Variants in HDAC5 observed in about 807,000 individuals in gnomAD.
The protein encoded by HDAC5 is antigen NY-CO-9.
A neutral mutation model predicts 133.3 loss-of-function variants in HDAC5; 25 were observed. The ratio of observed to expected loss-of-function variants is 0.19; its 90% CI spans 0.14 to 0.26. The LOEUF is 0.26. Among genes scored for constraint, HDAC5 ranks in the 10% least tolerant of loss-of-function variants. The pLI, the probability that HDAC5 is intolerant of heterozygous loss-of-function variation, is 1.00. For synonymous variants in HDAC5, 589 were observed against 610.8 expected (o/e 0.96, Z 0.53); for missense variants, 1,041 against 1,460.5 (o/e 0.71, Z 4.68).
At chr17:44,112,817 G>T (rs2052425016) in intron 2 of HDAC5, among the ~76,000 whole-genome samples, 1 of 152,206 alleles carries the variant, frequency 6.6e-6, no homozygotes, top group Non-Finnish European at 1.5e-5. Flanking sequence ...GACCAGCAAA[G>T]AAACAGGGGT....
At chr17:44,108,751 C>CAAAAAAA (rs773575696) in intron 3 of HDAC5, among the ~76,000 whole-genome samples, 3 of 56,954 alleles carry the variant, frequency 5.3e-5, no homozygotes, top group African/African-American at 1.6e-4. Flanking sequence ...TTCCAGAGTC[C>CAAAAAAA]AAAAAAAAAA....
intron 2 of HDAC5, among the ~76,000 whole-genome samples, chr17:44,112,998 G>A (rs2052433230): frequency 6.6e-6 from 1 of 152,200 alleles, no homozygotes; most frequent in Non-Finnish European, 1.5e-5. Flanking sequence ...AGGAAGGGAA[G>A]GGAAGGTCTC....
At chr17:44,107,150 C>T (rs954461755) in intron 3 of HDAC5, among the ~76,000 whole-genome samples, 1 of 151,852 alleles carries the variant, frequency 6.6e-6, no homozygotes, top group Non-Finnish European at 1.5e-5. Context: ...CAGGGTCTGG[C>T]TATGCTGCGC....
chr17:44,092,896 A>T (rs1000169458), intron 6 of HDAC5, 90 bp from the exon 7 acceptor site: 1 of 654,650 alleles, frequency 1.5e-6, no homozygotes, highest in Non-Finnish European at 2.6e-6. Context: ...ATTTATGAAA[A>T]ATCGTTTGTA....
At chr17:44,119,013 C>G (rs1207120081) in intron 1 of HDAC5, among the ~76,000 whole-genome samples, 4 of 152,196 alleles carry the variant, frequency 2.6e-5, no homozygotes, top group Non-Finnish European at 4.4e-5. Flanking sequence ...CACACGAGAC[C>G]CTGAGGTCCC....
chr17:44,111,652 T>A (rs750425668), intron 2 of HDAC5: 1 of 517,880 alleles, frequency 1.9e-6, no homozygotes, highest in Admixed American at 1.9e-5. Flanking sequence ...GGAGTTCTAA[T>A]AGCCCCATGG....
At chr17:44,095,702 T>TG (rs1247174105) in intron 3 of HDAC5, among the ~76,000 whole-genome samples, 1 of 137,302 alleles carries the variant, frequency 7.3e-6, no homozygotes, top group Non-Finnish European at 1.6e-5. Flanking sequence ...CAGCTGTGCC[T>TG]GGGGGGAGGG....
At chr17:44,082,873 G>A (rs771514429) in intron 18 of HDAC5, 53 bp from the exon 19 acceptor site, 329 of 1,488,102 alleles carry the variant, frequency 2.2e-4, no homozygotes, top group Non-Finnish European at 2.2e-4. Flanking sequence ...GAAGGCCGTG[G>A]AGGGGGTAGC....
intron 23 of HDAC5, 107 bp downstream of exon 23, chr17:44,080,000 C>G: frequency 1.2e-6 from 1 of 849,356 alleles, no homozygotes; most frequent in Non-Finnish European, 2.0e-6. Flanking sequence ...GCCCTGCCCC[C>G]TGCTTTCCCC....
At chr17:44,096,376 C>A (rs1036031752) in intron 3 of HDAC5, among the ~76,000 whole-genome samples, 4 of 151,642 alleles carry the variant, frequency 2.6e-5, no homozygotes, top group Non-Finnish European at 5.9e-5. Flanking sequence ...CTACCAGTAT[C>A]TTCTGCCTTC....
rs546221958 is a variant in HDAC5, at chr17:44,110,630, A to C, written c.94+99T>G. 8 of 941,526 alleles carry C rather than the reference A, an allele frequency of 8.5e-6. No homozygotes were observed. The African/African-American group carries it at 1.3e-4, about 15-fold the overall frequency. 58.3% of individuals were successfully genotyped at this position (941,526 alleles called of 1,614,324 possible). On this transcript the variant is annotated intron_variant, in intron 3 of 26. Coordinates refer to ENST00000682912, the MANE Select transcript of HDAC5 (RefSeq NM_005474.5). ...TCAACAAAACTCTCAAGACAGATCT[A>C]TGCAGGACCCTATCTGTGCAAGGCT...
chr17:44,091,357 C>T lies in HDAC5; in HGVS notation c.1300G>A (p.Gly434Ser), dbSNP rs745882615. Residue 434 changes from glycine (G) to serine (S), a missense_variant, in exon 11 of 27, where the codon GGC becomes AGC. Physicochemically the swap from Gly to Ser is moderately conservative, Grantham distance 56 (BLOSUM62 0). Around this residue, in one of 9 missense-constraint regions of HDAC5, gnomAD observed 433 missense variants for 531.6 expected, o/e 0.81. Coordinates refer to ENST00000682912, the MANE Select transcript of HDAC5 (RefSeq NM_005474.5). ...PGCLLGVALE[G>S]DGSPHGHASL... is the part of the protein sequence containing the mutation. ...GCATGCCCGTGGGGGCTCCCGTCGC[C>T]CTCCAGTGCCACGCCCAGCAGGCAG... The T allele has an allele frequency of 1.9e-6, 3 of 1,602,062 alleles. No homozygotes were observed. Among genetic ancestry groups the T allele is most frequent in the Admixed American group, 3.4e-5 (2 of 58,670 alleles).
rs200454255 is a variant in HDAC5, at chr17:44,082,870, G to A, written c.2464-50C>T. 3.6e-5 allele frequency: 54 copies of A among 1,495,206 alleles called. No homozygotes were observed. In the East Asian group the frequency reaches 9.6e-4, roughly 27 times the overall value. The allele number at this position is 1,495,206 out of a possible 1,614,324, so 92.6% of individuals were successfully genotyped here. On this transcript the variant is annotated intron_variant, in intron 18 of 26. Transcript: ENST00000682912. ...GGGGCAAGATCCAGGCAGGAAGGCC[G>A]TGGAGGGGGTAGCACAGGACAGAAG...
chr17:44,111,108 G>A, intron 2 of HDAC5: 1 of 455,578 alleles, frequency 2.2e-6, no homozygotes, highest in South Asian at 2.0e-5. Context: ...CTGGTTCCTG[G>A]GAGCTGGGGT....
At position 44,079,240 on chromosome 17, in the gene HDAC5, T is replaced by C; in HGVS notation, c.2982A>G (p.Ala994=). The change falls in exon 24 of 27, where the codon GCA becomes GCG. Residue 994 remains alanine, a synonymous_variant. Coordinates refer to ENST00000682912, the MANE Select transcript of HDAC5 (RefSeq NM_005474.5). ...GHLTRQLMTL[A]GGRVVLALEG... is the part of the protein sequence containing the mutation. Reference sequence around the variant, plus strand: ...CCAGGGCCAGCACCACCCGGCCCCCTGCCAGGGTCATCAGCTGCCTGGTCA... The same window carrying C: ...CCAGGGCCAGCACCACCCGGCCCCCCGCCAGGGTCATCAGCTGCCTGGTCA... The C allele has an allele frequency of 6.2e-7, 1 of 1,613,648 alleles. No individual in the cohort carries two copies. The highest frequency in any genetic ancestry group is 8.5e-7 in the Non-Finnish European group (1 of 1,179,732).
At position 44,088,549 on chromosome 17, in the gene HDAC5, G is replaced by A; in HGVS notation, c.1437C>T (p.Thr479=). 1 of 1,613,612 alleles carries A rather than the reference G, an allele frequency of 6.2e-7. No homozygotes were observed. Among genetic ancestry groups the A allele is most frequent in the Non-Finnish European group, 8.5e-7 (1 of 1,180,000 alleles). ...GGAGCTTGCCTACCGTCCGCATGCT[G>A]GTGGCCACACGTTCACCCGTCACTA... is the stretch of plus-strand genomic sequence containing the variant. ...SPLVTGERVA[T]SMRTVGKLPR... Residue 479 remains threonine, a synonymous_variant, in exon 12 of 27, where the codon ACC becomes ACT. Coordinates refer to ENST00000682912, the MANE Select transcript of HDAC5 (RefSeq NM_005474.5).
intron 3 of HDAC5, among the ~76,000 whole-genome samples, chr17:44,096,472 T>C (rs1350667591): frequency 1.3e-5 from 2 of 151,294 alleles, no homozygotes; most frequent in East Asian, 3.9e-4. Flanking sequence ...TTGGTTTTTT[T>C]TTGTTTTTTT....
intron 3 of HDAC5, among the ~76,000 whole-genome samples, chr17:44,108,751 CAAAAAAAAAACA>C (rs763706006): frequency 1.2e-4 from 7 of 56,954 alleles, no homozygotes; most frequent in East Asian, 6.8e-4. Flanking sequence ...TTCCAGAGTC[CAAAAAAAAAACA>C]AAAAAAAAAC....
intron 2 of HDAC5, among the ~76,000 whole-genome samples, chr17:44,114,999 G>A (rs1235392294): frequency 6.6e-6 from 1 of 152,136 alleles, no homozygotes; most frequent in African/African-American, 2.4e-5. Flanking sequence ...CTGGGCAGTG[G>A]GCCCCAGAAG....
Sources: gnomAD v4.1 joint callset for allele counts (sites outside exome capture counted in the v4.1 genomes callset) on GRCh38, gnomAD v4.1.1 for gene constraint, gnomAD v4.1.1 regional missense constraint, MANE v1.5 for transcripts, NCBI Gene and HGNC (gene_info 2026-07-23, HGNC 2026-07-21) for gene names.